Variants in GFPT2 observed in about 807,000 individuals in gnomAD.
GFPT2 encodes the protein glutamine--fructose-6-phosphate aminotransferase [isomerizing] 2.
A neutral mutation model predicts 85.6 loss-of-function variants in GFPT2; 62 were observed. The observed-to-expected ratio is 0.72, with a 90% CI of 0.59 to 0.90. The LOEUF (loss-of-function observed/expected upper bound fraction) is 0.90. Ranked by LOEUF, GFPT2 falls within the 40% of genes least tolerant of loss-of-function variation. GFPT2 has a pLI of 0.00. For missense variants in GFPT2, 788 were observed against 893.4 expected, an observed-to-expected ratio of 0.88 and a Z score of 1.50; for synonymous variants, 368 against 344.5, an observed-to-expected ratio of 1.07 and a Z score of -0.75.
intron 1 of GFPT2, 130 bp downstream of exon 1, chr5:180,353,081 G>C (rs1434289594): frequency 2.7e-6 from 2 of 734,810 alleles, no homozygotes; most frequent in South Asian, 6.9e-5. Context: ...CCCTCGGTAG[G>C]GGCCCGGGGC....
intron 1 of GFPT2, chr5:180,352,380 CCAG>C: frequency 2.2e-6 from 1 of 451,550 alleles, no homozygotes; most frequent in Non-Finnish European, 4.4e-6. Context: ...ACCTTTTGTC[CCAG>C]CAGAAGTTCC....
chr5:180,308,212 C>T (rs1763815452), intron 15 of GFPT2, among the ~76,000 whole-genome samples: 1 of 150,910 alleles, frequency 6.6e-6, no homozygotes, highest in Admixed American at 6.6e-5. Flanking sequence ...GCTGAGATGG[C>T]ACCACGGCAC....
At chr5:180,306,187 G>T (rs1763774077) in intron 16 of GFPT2, among the ~76,000 whole-genome samples, 1 of 152,056 alleles carries the variant, frequency 6.6e-6, no homozygotes, top group Non-Finnish European at 1.5e-5. Flanking sequence ...CTTTTACCAT[G>T]TTGTCCAGGC....
In GFPT2 at chr5:180,311,715, G is replaced by A. The variant is rs576055760; in HGVS notation, c.1546+715C>T. On this transcript the variant is annotated intron_variant, in intron 15 of 18. Coordinates refer to ENST00000253778, the MANE Select transcript of GFPT2 (RefSeq NM_005110.4). ...AGACAGGCCAGTCAACAGGTGAACA[G>A]GGAATTTCAGGTCATGAGGTGTGTT... Among the ~76,000 whole-genome samples the A allele has an allele frequency of 7.5e-3, 1,001 of 132,660 alleles. 7 individuals are homozygous for A. The highest frequency in any genetic ancestry group is 0.027 in the African/African-American group (948 of 35,566). 87.0% of individuals were successfully genotyped at this position (132,660 alleles called of 152,430 possible).
At chr5:180,347,752 G>C (rs868693349) in intron 1 of GFPT2, among the ~76,000 whole-genome samples, 1 of 152,088 alleles carries the variant, frequency 6.6e-6, no homozygotes, top group African/African-American at 2.4e-5. Context: ...CACCCAGCCA[G>C]AAGGTCAGCC....
At chr5:180,340,588 T>C (rs1311203029) in intron 1 of GFPT2, among the ~76,000 whole-genome samples, 1 of 133,052 alleles carries the variant, frequency 7.5e-6, no homozygotes, top group Non-Finnish European at 1.6e-5. Context: ...CCTGGCTCAC[T>C]GCAAGCTCCG....
At chr5:180,344,051 C>T (rs1235074286) in intron 1 of GFPT2, among the ~76,000 whole-genome samples, 3 of 152,158 alleles carry the variant, frequency 2.0e-5, no homozygotes, top group South Asian at 2.1e-4. Context: ...GTCTGGCAAG[C>T]GACAGGCAAG....
chr5:180,320,314 T>C (rs1157277146), intron 9 of GFPT2, among the ~76,000 whole-genome samples: 1 of 152,184 alleles, frequency 6.6e-6, no homozygotes, highest in Non-Finnish European at 1.5e-5. Context: ...TTTTATAACT[T>C]TCTCTGTATG....
intron 7 of GFPT2, among the ~76,000 whole-genome samples, chr5:180,325,279 C>T (rs1764195308): frequency 2.6e-5 from 4 of 152,164 alleles, no homozygotes; most frequent in East Asian, 1.9e-4. Flanking sequence ...CCAGCCTCGA[C>T]GGCAGCGCAT....
At chr5:180,314,372 G>C (rs758301003) in intron 13 of GFPT2, among the ~76,000 whole-genome samples, 1 of 152,094 alleles carries the variant, frequency 6.6e-6, no homozygotes, top group Non-Finnish European at 1.5e-5. Context: ...TTTAACATCT[G>C]ACAAGCAGGA....
At chr5:180,319,378 G>A (rs993359679) in intron 9 of GFPT2, among the ~76,000 whole-genome samples, 1 of 152,154 alleles carries the variant, frequency 6.6e-6, no homozygotes, top group Non-Finnish European at 1.5e-5. Flanking sequence ...ACCTCTGGAA[G>A]ATACTCGAGA....
At chr5:180,308,375 A>G (rs2127647061) in intron 15 of GFPT2, among the ~76,000 whole-genome samples, 1 of 152,352 alleles carries the variant, frequency 6.6e-6, no homozygotes, top group South Asian at 2.1e-4. Context: ...AGAATTAGTG[A>G]GAAGAATGGC....
At chr5:180,343,355 G>T (rs551210147) in intron 1 of GFPT2, among the ~76,000 whole-genome samples, 53 of 152,342 alleles carry the variant, frequency 3.5e-4, no homozygotes, top group African/African-American at 1.3e-3. Flanking sequence ...GACAGCAGCG[G>T]GGGCATAAGG....
At chr5:180,345,947 T>A (rs1402534163) in intron 1 of GFPT2, among the ~76,000 whole-genome samples, 1 of 151,726 alleles carries the variant, frequency 6.6e-6, no homozygotes, top group East Asian at 1.9e-4. Flanking sequence ...CCCAAGATAA[T>A]CAAACACAGA....
intron 6 of GFPT2, among the ~76,000 whole-genome samples, chr5:180,329,219 G>A (rs1002426132): frequency 2.6e-5 from 4 of 152,290 alleles, no homozygotes; most frequent in Admixed American, 6.5e-5. Context: ...GGTGGTCAGC[G>A]TGTCGGGTCC....
chr5:180,336,777 C>T (rs966993521), intron 2 of GFPT2, among the ~76,000 whole-genome samples, 200 bp from the exon 3 acceptor site: 1 of 152,242 alleles, frequency 6.6e-6, no homozygotes, highest in Non-Finnish European at 1.5e-5. Context: ...GAAGCCCCTG[C>T]CTCCTCCAGG....
intron 1 of GFPT2, among the ~76,000 whole-genome samples, chr5:180,345,935 A>G (rs1409269712): frequency 6.6e-6 from 1 of 152,068 alleles, no homozygotes; most frequent in East Asian, 1.9e-4. Flanking sequence ...CTCTCGGTTA[A>G]CCCCAAGATA....
chr5:180,316,205 C>T (rs540985151), intron 13 of GFPT2, 136 bp downstream of exon 13: 3 of 827,950 alleles, frequency 3.6e-6, no homozygotes, highest in Non-Finnish European at 5.7e-6. Flanking sequence ...CATGGCTCTA[C>T]GGGTTAAATG....
At chr5:180,345,827 C>T (rs991358180) in intron 1 of GFPT2, among the ~76,000 whole-genome samples, 4 of 152,178 alleles carry the variant, frequency 2.6e-5, no homozygotes, top group Non-Finnish European at 5.9e-5. Flanking sequence ...GCATAAGCAG[C>T]TCCGCTCACT....
Sources: allele counts gnomAD v4.1 joint callset (sites outside exome capture counted in the v4.1 genomes callset), GRCh38; gene constraint gnomAD v4.1.1; transcripts MANE v1.5; gene names NCBI Gene and HGNC (gene_info 2026-07-23, HGNC 2026-07-21).